Variants in STARD9 observed in about 807,000 individuals in gnomAD.
STARD9 encodes stAR-related lipid transfer protein 9.
In STARD9, 346 loss-of-function variants were observed where a neutral mutation model predicts 399.8. The ratio of observed to expected loss-of-function variants is 0.87; its 90% CI spans 0.79 to 0.95. The LOEUF is 0.95. Ranked by LOEUF, STARD9 falls within the 40% of genes least tolerant of loss-of-function variation. The pLI, the probability that STARD9 is intolerant of heterozygous loss-of-function variation, is 0.00. For synonymous variants in STARD9, 2,203 were observed against 2,143.5 expected (o/e 1.03, Z -0.77); for missense variants, 5,832 against 5,667.5 (o/e 1.03, Z -0.93).
chr15:42,627,011 G>A (rs1423880471), intron 3 of STARD9, among the ~76,000 whole-genome samples: 1 of 152,006 alleles, frequency 6.6e-6, no homozygotes, highest in Admixed American at 6.6e-5. Context: ...CAAAGTGCTG[G>A]TATTACAAGT....
At chr15:42,602,822 T>C (rs1232612382) in intron 3 of STARD9, among the ~76,000 whole-genome samples, 1 of 152,226 alleles carries the variant, frequency 6.6e-6, no homozygotes, top group African/African-American at 2.4e-5. Flanking sequence ...AGTTACAAAG[T>C]TGCAAATGAA....
At chr15:42,670,186 A>T (rs981091932) in intron 16 of STARD9, 1 of 152,338 alleles carries the variant, frequency 6.6e-6, no homozygotes, top group South Asian at 2.1e-4. Flanking sequence ...TAAACAGTAC[A>T]CTTCCCACTT....
intron 29 of STARD9, 83 bp from the exon 30 acceptor site, chr15:42,717,894 C>G: frequency 6.7e-7 from 1 of 1,501,520 alleles, no homozygotes; most frequent in Non-Finnish European, 9.0e-7. Context: ...TTCCTCAAGT[C>G]TTCACTCTGA....
At chr15:42,620,974 G>T (rs1226703669) in intron 3 of STARD9, among the ~76,000 whole-genome samples, 2 of 151,838 alleles carry the variant, frequency 1.3e-5, no homozygotes, top group African/African-American at 4.8e-5. Context: ...GTCTGGTCTC[G>T]AACTCCTGAC....
Position 42,649,218 on chromosome 15 carries a change from C to T in STARD9, c.560-1798C>T, listed in dbSNP as rs192496875. On this transcript the variant is annotated intron_variant, in intron 7 of 32. Transcript: ENST00000290607. Reference sequence around the variant, plus strand: ...CTGATTTTTGTATTTTCATGAGAGACGGGGTTTTACCACGTTGGTCAGGCT... The same window carrying T: ...CTGATTTTTGTATTTTCATGAGAGATGGGGTTTTACCACGTTGGTCAGGCT... Among the ~76,000 whole-genome samples the T allele has an allele frequency of 3.8e-3, 576 of 152,092 alleles. 2 individuals carry two copies. The highest frequency in any genetic ancestry group is 0.013 in the African/African-American group (552 of 41,488).
At chr15:42,630,962 T>C (rs958159635) in intron 3 of STARD9, among the ~76,000 whole-genome samples, 2 of 151,896 alleles carry the variant, frequency 1.3e-5, no homozygotes, top group African/African-American at 4.8e-5. Flanking sequence ...TGTGTTTGAT[T>C]CGCTCTTACT....
At chr15:42,659,938 G>C (rs2059961154) in intron 9 of STARD9, among the ~76,000 whole-genome samples, 1 of 152,144 alleles carries the variant, frequency 6.6e-6, no homozygotes, top group African/African-American at 2.4e-5. Context: ...ACTGTTATTT[G>C]TAATTACCCC....
intron 10 of STARD9, among the ~76,000 whole-genome samples, chr15:42,661,776 C>T (rs1362209905): frequency 6.6e-6 from 1 of 152,076 alleles, no homozygotes; most frequent in Non-Finnish European, 1.5e-5. Flanking sequence ...CCTTTTAAAA[C>T]TCCCCATACC....
intron 2 of STARD9, 138 bp downstream of exon 2, chr15:42,583,553 C>T (rs2058216395): frequency 1.8e-6 from 1 of 570,812 alleles, no homozygotes; most frequent in Non-Finnish European, 3.0e-6. Context: ...GGGGGAGGAG[C>T]TTATGCCAAT....
intron 16 of STARD9, chr15:42,674,111 C>T: frequency 2.3e-6 from 1 of 440,758 alleles, no homozygotes; most frequent in South Asian, 1.8e-5. Context: ...TTTTTCTGAC[C>T]AATGGCTGTA....
chr15:42,598,768 G>A (rs939480786), intron 3 of STARD9, among the ~76,000 whole-genome samples: 9 of 152,034 alleles, frequency 5.9e-5, no homozygotes, highest in African/African-American at 2.2e-4. Context: ...ATCATTAGTT[G>A]TAATTTTCTT....
At chr15:42,670,077 A>G (rs993902417) in intron 16 of STARD9, 1 of 151,920 alleles carries the variant, frequency 6.6e-6, no homozygotes, top group Non-Finnish European at 1.5e-5. Flanking sequence ...AATAAATAAA[A>G]ATAATGTTTT....
chr15:42,718,644 G>A, intron 31 of STARD9, 108 bp from the exon 32 acceptor site: 1 of 1,437,072 alleles, frequency 7.0e-7, no homozygotes, highest in South Asian at 1.2e-5. Flanking sequence ...GGTAGGGGTG[G>A]CTTGAAGGCT....
At chr15:42,646,484 C>T (rs2059647593) in intron 7 of STARD9, among the ~76,000 whole-genome samples, 1 of 152,198 alleles carries the variant, frequency 6.6e-6, no homozygotes, top group South Asian at 2.1e-4. Flanking sequence ...AGCTTCTTTC[C>T]TTAAACCTCA....
chr15:42,652,264 T>C (rs2059776881), intron 8 of STARD9, among the ~76,000 whole-genome samples: 1 of 144,346 alleles, frequency 6.9e-6, no homozygotes. Context: ...TTTTTGCTTC[T>C]ATTGCTTAAA....
intron 3 of STARD9, among the ~76,000 whole-genome samples, chr15:42,618,750 G>A (rs181767861): frequency 9.2e-4 from 140 of 151,856 alleles, no homozygotes; most frequent in African/African-American, 3.2e-3. Flanking sequence ...GAGTGCACCA[G>A]CACGCCTGGC....
intron 9 of STARD9, among the ~76,000 whole-genome samples, chr15:42,659,915 A>T (rs930371258): frequency 2.0e-5 from 3 of 152,224 alleles, no homozygotes; most frequent in Non-Finnish European, 4.4e-5. Context: ...AAAGATGTGC[A>T]CAAATATCCA....
chr15:42,717,283 G>A (rs928371288), intron 28 of STARD9, among the ~76,000 whole-genome samples: 14 of 151,892 alleles, frequency 9.2e-5, no homozygotes, highest in Non-Finnish European at 1.8e-4. Flanking sequence ...TCAGGAGTTC[G>A]AGACCAGCCT....
intron 3 of STARD9, among the ~76,000 whole-genome samples, chr15:42,615,802 GTA>G (rs1198146478): frequency 6.6e-6 from 1 of 151,996 alleles, no homozygotes; most frequent in African/African-American, 2.4e-5. Flanking sequence ...AACTGTGGCT[GTA>G]TGTGTACACA....
Sources: allele counts gnomAD v4.1 joint callset (sites outside exome capture counted in the v4.1 genomes callset), GRCh38; gene constraint gnomAD v4.1.1; transcripts MANE v1.5; gene names NCBI Gene and HGNC (gene_info 2026-07-23, HGNC 2026-07-21).